PPP1R12A: variants seen among roughly 807,000 people sequenced by gnomAD.
PPP1R12A encodes the protein myosin binding subunit.
Under a neutral mutation model 139.6 loss-of-function variants are expected in PPP1R12A, and 19 were observed. The observed-to-expected ratio is 0.14, with a 90% CI of 0.09 to 0.20. The LOEUF (loss-of-function observed/expected upper bound fraction) is 0.20, where lower values mean the gene tolerates loss of function less well. Among genes scored for constraint, PPP1R12A ranks in the 10% least tolerant of loss-of-function variants. The probability of loss-of-function intolerance (pLI) is 1.00; values close to 1 mark genes in which losing one functional copy is unlikely to be tolerated. For missense variants in PPP1R12A, 925 were observed against 1,211.5 expected, an observed-to-expected ratio of 0.76 and a Z score of 3.51; for synonymous variants, 427 against 420.6, an observed-to-expected ratio of 1.02 and a Z score of -0.19.
chr12:79,868,647 A>G (rs912220795), intron 2 of PPP1R12A, among the ~76,000 whole-genome samples: 1 of 151,984 alleles, frequency 6.6e-6, no homozygotes, highest in Non-Finnish European at 1.5e-5. Context: ...TTTTTGTCCC[A>G]ATGTCTTCCT....
Position 79,837,445 on chromosome 12 carries a change from G to A in PPP1R12A, c.488-4954C>T, listed in dbSNP as rs530248277. On this transcript the variant is annotated intron_variant, in intron 3 of 24. Transcript: ENST00000450142. ...TAACTAGTTATTGATCAAATGTACTGGAATAAGAAAAGCCAAAAGAATGAT... is the reference window on the plus strand; with the variant it reads ...TAACTAGTTATTGATCAAATGTACTAGAATAAGAAAAGCCAAAAGAATGAT... Among the ~76,000 whole-genome samples the A allele has an allele frequency of 9.9e-5, 15 of 152,070 alleles. No individual in the cohort carries two copies. In the East Asian group the frequency reaches 2.9e-3, roughly 29 times the overall value.
At chr12:79,864,746 C>T (rs1269885907) in intron 2 of PPP1R12A, among the ~76,000 whole-genome samples, 1 of 152,164 alleles carries the variant, frequency 6.6e-6, no homozygotes, top group African/African-American at 2.4e-5. Context: ...TTCCTCGACA[C>T]ATACACCCTT....
chr12:79,876,810 G>A (rs1401704940), intron 1 of PPP1R12A, among the ~76,000 whole-genome samples: 2 of 152,126 alleles, frequency 1.3e-5, no homozygotes, highest in South Asian at 4.1e-4. Flanking sequence ...AGCAGATCAA[G>A]ACCATCCTGG....
intron 2 of PPP1R12A, among the ~76,000 whole-genome samples, chr12:79,870,867 T>C (rs1882496228): frequency 6.6e-6 from 1 of 152,172 alleles, no homozygotes; most frequent in African/African-American, 2.4e-5. Flanking sequence ...CATGGACAAA[T>C]GACCAAGACC....
intron 1 of PPP1R12A, among the ~76,000 whole-genome samples, chr12:79,881,638 C>A (rs756647505): frequency 3.3e-5 from 5 of 152,144 alleles, no homozygotes; most frequent in Non-Finnish European, 5.9e-5. Context: ...CTGCATCTTC[C>A]AGATGCAGCT....
chr12:79,855,034 G>A (rs1458239959), intron 2 of PPP1R12A, among the ~76,000 whole-genome samples: 1 of 152,002 alleles, frequency 6.6e-6, no homozygotes, highest in Admixed American at 6.6e-5. Flanking sequence ...TGTCGCCCAG[G>A]CTGGAGTGCA....
At chr12:79,850,453 T>C (rs1879910051) in intron 2 of PPP1R12A, among the ~76,000 whole-genome samples, 1 of 152,168 alleles carries the variant, frequency 6.6e-6, no homozygotes, top group Non-Finnish European at 1.5e-5. Context: ...AGCAAATATT[T>C]AAGAAAAGGA....
At chr12:79,783,295 CAAAAAAAAA>C (rs5799441) in intron 22 of PPP1R12A, among the ~76,000 whole-genome samples, 2 of 117,114 alleles carry the variant, frequency 1.7e-5, no homozygotes, top group African/African-American at 6.8e-5. Context: ...CCGTCTCTAC[CAAAAAAAAA>C]AAAAAAAAAG....
upstream of PPP1R12A, chr12:79,935,243 C>T: frequency 8.5e-7 from 1 of 1,180,668 alleles, no homozygotes; most frequent in Non-Finnish European, 1.1e-6. Flanking sequence ...TGCGCATGCG[C>T]CCTGGGCCTG....
chr12:79,806,368 T>C (rs749978212), intron 12 of PPP1R12A, 35 bp from the exon 13 acceptor site: 10 of 1,572,120 alleles, frequency 6.4e-6, no homozygotes, highest in Non-Finnish European at 1.7e-6. Context: ...TAGGATGTGT[T>C]TGTATGTGTA....
rs200972377 is a variant in PPP1R12A, at chr12:79,795,716, T to C, written c.2505A>G (p.Ser835=). The change falls in exon 18 of 25, where the codon TCA becomes TCG. Residue 835 remains serine (S), a synonymous_variant. Transcript: ENST00000450142. ...REEEKEGEDK[S]QPKSIRERRR... ...GTCGTTCTCTGATTGATTTAGGTTG[T>C]GATTTATCTTCTCCTTCTTTCTCCT... 6.2e-7 allele frequency: 1 copy of C among 1,612,008 alleles called. No individual in the cohort carries two copies.
chr12:79,904,715 T>C (rs936138173), intron 1 of PPP1R12A, among the ~76,000 whole-genome samples: 1 of 152,214 alleles, frequency 6.6e-6, no homozygotes, highest in African/African-American at 2.4e-5. Context: ...GGCTGCTTAA[T>C]ATACGTGAAA....
chr12:79,892,402 C>T (rs991795931), intron 1 of PPP1R12A, among the ~76,000 whole-genome samples: 2 of 152,120 alleles, frequency 1.3e-5, no homozygotes, highest in African/African-American at 2.4e-5. Flanking sequence ...TACAAAACAA[C>T]AGTCTAACCA....
intron 1 of PPP1R12A, among the ~76,000 whole-genome samples, chr12:79,877,824 T>C (rs1592756420): frequency 1.3e-5 from 2 of 152,326 alleles, no homozygotes; most frequent in East Asian, 3.9e-4. Context: ...CTGATACTCA[T>C]TAAATTCTGT....
At chr12:79,920,777 T>A (rs1887372749) in intron 1 of PPP1R12A, among the ~76,000 whole-genome samples, 1 of 152,212 alleles carries the variant, frequency 6.6e-6, no homozygotes, top group South Asian at 2.1e-4. Flanking sequence ...GCCTCAGGAC[T>A]CTACAGAGTC....
chr12:79,933,439 G>A (rs938608664), intron 1 of PPP1R12A, among the ~76,000 whole-genome samples: 2 of 152,114 alleles, frequency 1.3e-5, no homozygotes, highest in Admixed American at 6.5e-5. Context: ...AAAGCCTTGA[G>A]TTTCAACCTC....
chr12:79,855,737 T>A (rs1317419005), intron 2 of PPP1R12A, among the ~76,000 whole-genome samples: 1 of 152,000 alleles, frequency 6.6e-6, no homozygotes, highest in African/African-American at 2.4e-5. Context: ...TACAGTTAAG[T>A]GAGATAAAGA....
At chr12:79,821,462 A>G (rs1168012372) in intron 6 of PPP1R12A, among the ~76,000 whole-genome samples, 1 of 152,054 alleles carries the variant, frequency 6.6e-6, no homozygotes, top group Non-Finnish European at 1.5e-5. Flanking sequence ...TACTTAAAGA[A>G]CTGTTTCTGG....
At chr12:79,780,402 A>G (rs1333693165) in intron 23 of PPP1R12A, 1 of 152,130 alleles carries the variant, frequency 6.6e-6, no homozygotes, top group Admixed American at 6.6e-5. Flanking sequence ...TGACAAGCAG[A>G]AAAAGGAGGT....
Sources: allele counts gnomAD v4.1 joint callset (sites outside exome capture counted in the v4.1 genomes callset), GRCh38; gene constraint gnomAD v4.1.1; transcripts MANE v1.5; gene names NCBI Gene and HGNC (gene_info 2026-07-23, HGNC 2026-07-21).